Variants in NYAP2 observed in about 807,000 individuals in gnomAD.
NYAP2 encodes the protein neuronal tyrosine-phosphorylated phosphoinositide-3-kinase adaptor 2, also known as neuronal tyrosine-phosphorylated phosphoinositide-3-kinase adapter 2.
In NYAP2, 23 loss-of-function variants were observed where a neutral mutation model predicts 50.4. The observed-to-expected ratio is 0.46, with a 90% CI of 0.33 to 0.65. The LOEUF (loss-of-function observed/expected upper bound fraction) is 0.65. Ranked by LOEUF, NYAP2 falls within the 30% of genes least tolerant of loss-of-function variation. NYAP2 has a pLI of 0.02. For missense variants in NYAP2, 885 were observed against 861.0 expected (o/e 1.03, Z -0.35); for synonymous variants, 394 against 365.2 (o/e 1.08, Z -0.90).
At chr2:225,600,240 C>T (rs1448662552) in intron 5 of NYAP2, among the ~76,000 whole-genome samples, 1 of 151,778 alleles carries the variant, frequency 6.6e-6, no homozygotes, top group African/African-American at 2.4e-5. Context: ...GAGTGGAGGC[C>T]ACAAGATCAA....
At chr2:225,650,463 T>C (rs1308348385) in intron 6 of NYAP2, among the ~76,000 whole-genome samples, 1 of 152,200 alleles carries the variant, frequency 6.6e-6, no homozygotes, top group Non-Finnish European at 1.5e-5. Flanking sequence ...GAAAGGCTTT[T>C]TGAAAAGCAC....
chr2:225,540,674 A>G (rs1203805349), intron 4 of NYAP2, among the ~76,000 whole-genome samples: 1 of 152,144 alleles, frequency 6.6e-6, no homozygotes, highest in African/African-American at 2.4e-5. Context: ...TGTTTTCTTT[A>G]TCCATTCATC....
intron 4 of NYAP2, among the ~76,000 whole-genome samples, chr2:225,525,466 T>G (rs1366968390): frequency 6.6e-6 from 1 of 152,176 alleles, no homozygotes; most frequent in African/African-American, 2.4e-5. Context: ...TGAAATGTCT[T>G]TTCTATCAGA....
intron 4 of NYAP2, among the ~76,000 whole-genome samples, chr2:225,542,860 G>A (rs942132007): frequency 1.3e-5 from 2 of 152,018 alleles, no homozygotes; most frequent in African/African-American, 4.8e-5. Context: ...TTCTTTAAAT[G>A]TTTGGTAGAA....
chr2:225,540,221 C>T (rs1479655124), intron 4 of NYAP2, among the ~76,000 whole-genome samples: 2 of 152,206 alleles, frequency 1.3e-5, no homozygotes, highest in Non-Finnish European at 2.9e-5. Flanking sequence ...TACCCAGTTC[C>T]AAAGTCGCTT....
rs571388283 is a variant in NYAP2, at chr2:225,480,008, T to C, written c.222-33363T>C. Among the ~76,000 whole-genome samples, 11 of 152,226 alleles carry C rather than the reference T, an allele frequency of 7.2e-5. No individual in the cohort carries two copies. In the South Asian group the frequency reaches 1.9e-3, roughly 26 times the overall value. Reference sequence around the variant, plus strand: ...CTTGTCTACTGACGTCACTGGACTTTACCAGCCAAGTAACTTTGGTAAAAG... The same window carrying C: ...CTTGTCTACTGACGTCACTGGACTTCACCAGCCAAGTAACTTTGGTAAAAG... On this transcript the variant is annotated intron_variant, in intron 3 of 6. Coordinates refer to ENST00000636099, the Ensembl canonical transcript of NYAP2.
chr2:225,445,218 G>A (rs1247557335), intron 3 of NYAP2, among the ~76,000 whole-genome samples: 2 of 151,792 alleles, frequency 1.3e-5, no homozygotes, highest in Admixed American at 6.6e-5. Flanking sequence ...AAAATACCAC[G>A]TTCACCTAAA....
chr2:225,620,975 A>C (rs922196214), intron 5 of NYAP2, among the ~76,000 whole-genome samples: 13 of 152,110 alleles, frequency 8.5e-5, no homozygotes, highest in African/African-American at 3.1e-4. Flanking sequence ...TTAGCCGGGC[A>C]TGGTGGTGGG....
At chr2:225,684,305 A>C in the NYAP2 span, among the ~76,000 whole-genome samples, 1 of 152,072 alleles carries the variant, frequency 6.6e-6, no homozygotes. Context: ...CTGTGTGGAG[A>C]TCACAATTGG....
chr2:225,572,688 A>T (rs1036197807), intron 4 of NYAP2, among the ~76,000 whole-genome samples: 1 of 152,242 alleles, frequency 6.6e-6, no homozygotes, highest in Non-Finnish European at 1.5e-5. Flanking sequence ...AATATAAATT[A>T]TTAAAAGCTT....
At chr2:225,642,293 G>A (rs1234214928) in intron 6 of NYAP2, among the ~76,000 whole-genome samples, 1 of 151,920 alleles carries the variant, frequency 6.6e-6, no homozygotes, top group East Asian at 1.9e-4. Context: ...TTTATTATAA[G>A]CAGGGAAGCT....
chr2:225,623,511 C>T (rs555307133), intron 5 of NYAP2, among the ~76,000 whole-genome samples: 9 of 151,918 alleles, frequency 5.9e-5, no homozygotes, highest in Admixed American at 2.0e-4. Context: ...GTAAAAGTAA[C>T]GATTTAATGA....
chr2:225,564,079 A>T (rs1691920597), intron 4 of NYAP2, among the ~76,000 whole-genome samples: 1 of 152,116 alleles, frequency 6.6e-6, no homozygotes, highest in Non-Finnish European at 1.5e-5. Flanking sequence ...ACCAAAGAAT[A>T]GCCTCTGAAG....
At chr2:225,700,390 T>G in the NYAP2 span, 2 of 151,660 alleles carry the variant, frequency 1.3e-5, no homozygotes, top group African/African-American at 4.8e-5. Context: ...AAGTTGCAGG[T>G]TCTGCTTGTA....
intron 4 of NYAP2, among the ~76,000 whole-genome samples, chr2:225,549,976 C>G (rs999370843): frequency 6.6e-6 from 1 of 150,944 alleles, no homozygotes; most frequent in Non-Finnish European, 1.5e-5. Flanking sequence ...CAGAGTGAGA[C>G]TCTGTCTCAA....
chr2:225,630,762 G>A (rs1315739554), intron 6 of NYAP2, among the ~76,000 whole-genome samples: 1 of 152,210 alleles, frequency 6.6e-6, no homozygotes, highest in Non-Finnish European at 1.5e-5. Context: ...ATGTAATTCA[G>A]TTTACATCAT....
intron 3 of NYAP2, among the ~76,000 whole-genome samples, chr2:225,423,667 GC>G (rs1238400152): frequency 6.6e-6 from 1 of 152,128 alleles, no homozygotes; most frequent in Non-Finnish European, 1.5e-5. Context: ...AATAATGCAT[GC>G]ATGTTATGTT....
chr2:225,657,102 C>CTTTT (rs375126014), downstream of NYAP2, among the ~76,000 whole-genome samples: 55 of 101,070 alleles, frequency 5.4e-4, no homozygotes, highest in Non-Finnish European at 7.6e-4. Flanking sequence ...AATCTAATTC[C>CTTTT]TTTTTTTTTT....
intron 2 of NYAP2, among the ~76,000 whole-genome samples, chr2:225,408,098 T>G (rs570400984): frequency 6.6e-5 from 10 of 151,964 alleles, no homozygotes; most frequent in Non-Finnish European, 1.2e-4. Flanking sequence ...CTTTTTTGTT[T>G]TGTTTTGATT....
Sources: gnomAD v4.1 joint callset for allele counts (sites outside exome capture counted in the v4.1 genomes callset) on GRCh38, gnomAD v4.1.1 for gene constraint, MANE v1.5 for transcripts, NCBI Gene and HGNC (gene_info 2026-07-23, HGNC 2026-07-21) for gene names.